Variants in CHN2 observed in about 807,000 individuals in gnomAD.
CHN2 encodes the protein chimerin 2.
CHN2 carries 35 observed loss-of-function variants against 56.3 expected under a neutral mutation model. That is an observed-to-expected ratio of 0.62 (90% CI 0.47 to 0.82). CHN2 has a LOEUF of 0.82. Ranked by LOEUF, CHN2 falls within the 40% of genes least tolerant of loss-of-function variation. The pLI is 0.00. For missense variants in CHN2, 491 were observed against 580.5 expected (o/e 0.85, Z 1.58); for synonymous variants, 210 against 212.8 (o/e 0.99, Z 0.12).
chr7:29,474,196 T>C (rs1377124467), intron 6 of CHN2, among the ~76,000 whole-genome samples: 2 of 152,220 alleles, frequency 1.3e-5, no homozygotes, highest in Admixed American at 1.3e-4. Flanking sequence ...GAGGCAAATC[T>C]TCTCATCATT....
intron 6 of CHN2, among the ~76,000 whole-genome samples, chr7:29,412,363 C>A (rs1803321660): frequency 8.7e-6 from 1 of 115,112 alleles, no homozygotes; most frequent in African/African-American, 3.5e-5. Context: ...GACGGAGTCT[C>A]CCTCTGTTTC....
chr7:29,280,173 C>T (rs1363190747), intron 1 of CHN2, among the ~76,000 whole-genome samples: 2 of 152,128 alleles, frequency 1.3e-5, no homozygotes, highest in African/African-American at 2.4e-5. Flanking sequence ...CACCTGAGGT[C>T]ATGAGTTTGA....
rs558854112 is a variant in CHN2, at chr7:29,303,782, G to A, written c.50-50843G>A. ...CTTTCTGAAGTCATGAAAGCAGGCC[G>A]GGCATGGTGGCTCACGCTTGTAATC... On this transcript the variant is annotated intron_variant, in intron 1 of 12. Coordinates refer to ENST00000222792, the MANE Select transcript of CHN2 (RefSeq NM_004067.4). 4.5e-4 allele frequency among the ~76,000 whole-genome samples: 68 copies of A among 152,284 alleles called. 1 individual carries two copies. In the South Asian group the frequency reaches 0.013, roughly 29 times the overall value.
chr7:29,340,920 A>C (rs1414835498), intron 1 of CHN2, among the ~76,000 whole-genome samples: 2 of 152,184 alleles, frequency 1.3e-5, no homozygotes, highest in Admixed American at 1.3e-4. Context: ...AAACAGCTTC[A>C]ATCACAGGGT....
At chr7:29,323,271 A>T (rs537843655) in intron 1 of CHN2, among the ~76,000 whole-genome samples, 37 of 151,880 alleles carry the variant, frequency 2.4e-4, no homozygotes, top group Non-Finnish European at 4.3e-4. Flanking sequence ...ATGTTTGAAG[A>T]TGGATACCCT....
chr7:29,336,361 C>T (rs1440479399), intron 1 of CHN2, among the ~76,000 whole-genome samples: 1 of 152,158 alleles, frequency 6.6e-6, no homozygotes, highest in African/African-American at 2.4e-5. Context: ...CCTGTAATCC[C>T]AGCACTTCGG....
intron 6 of CHN2, among the ~76,000 whole-genome samples, chr7:29,471,898 C>T (rs1016341075): frequency 7.2e-5 from 11 of 152,084 alleles, no homozygotes; most frequent in Non-Finnish European, 1.3e-4. Context: ...ATTTCTTTGG[C>T]GCCATGGCAA....
chr7:29,212,924 A>G, intron 1 of CHN2: 2 of 1,610,680 alleles, frequency 1.2e-6, no homozygotes, highest in Non-Finnish European at 1.7e-6. Flanking sequence ...TGGAGCAACC[A>G]GACCCAGAAC....
intron 1 of CHN2, among the ~76,000 whole-genome samples, chr7:29,286,906 A>T (rs1033911152): frequency 1.3e-5 from 2 of 152,186 alleles, no homozygotes; most frequent in African/African-American, 4.8e-5. Context: ...CTACCTGAAG[A>T]CCAAGAGCTT....
chr7:29,360,910 T>C (rs1206760841), intron 2 of CHN2, among the ~76,000 whole-genome samples: 1 of 152,232 alleles, frequency 6.6e-6, no homozygotes, highest in Non-Finnish European at 1.5e-5. Flanking sequence ...TAAAACAGTC[T>C]GTCAGTGAGC....
upstream of CHN2, among the ~76,000 whole-genome samples, chr7:29,189,853 G>GA (rs1782667417): frequency 6.6e-6 from 1 of 152,294 alleles, no homozygotes; most frequent in East Asian, 1.9e-4. Context: ...CAGTGAGAAA[G>GA]ACGATGCAGG....
chr7:29,235,375 CAAAA>C (rs775420416), intron 1 of CHN2, among the ~76,000 whole-genome samples: 3 of 151,970 alleles, frequency 2.0e-5, no homozygotes, highest in Non-Finnish European at 4.4e-5. Context: ...ATTAAAAAGT[CAAAA>C]AAACGAGATG....
At chr7:29,265,094 C>G (rs1250107430) in intron 1 of CHN2, among the ~76,000 whole-genome samples, 1 of 152,162 alleles carries the variant, frequency 6.6e-6, no homozygotes, top group Non-Finnish European at 1.5e-5. Flanking sequence ...AGTCTAGAGA[C>G]TTTGAAGGAA....
chr7:29,159,394 T>C (rs1794874595), intron 2 of CHN2, among the ~76,000 whole-genome samples: 1 of 152,240 alleles, frequency 6.6e-6, no homozygotes, highest in African/African-American at 2.4e-5. Flanking sequence ...TGAATTATTC[T>C]ATACCAGAAT....
intron 3 of CHN2, 53 bp from the exon 4 acceptor site, chr7:29,393,626 C>G: frequency 1.3e-6 from 1 of 778,522 alleles, no homozygotes; most frequent in Non-Finnish European, 1.9e-6. Context: ...GCATTTTTAT[C>G]TAGCTGATTT....
At chr7:29,147,067 A>G in intron 2 of CHN2, 2 of 1,452,948 alleles carry the variant, frequency 1.4e-6, no homozygotes, top group Non-Finnish European at 1.8e-6. Context: ...CCATTTTGCA[A>G]TTGGGGGACA....
intron 3 of CHN2, chr7:29,380,930 G>A (rs1025866173): frequency 3.3e-5 from 5 of 152,152 alleles, no homozygotes; most frequent in Admixed American, 1.3e-4. Flanking sequence ...AAGAACAGGC[G>A]ATCTAGTGGC....
chr7:29,376,113 A>T (rs927088730), intron 3 of CHN2, among the ~76,000 whole-genome samples: 1 of 152,200 alleles, frequency 6.6e-6, no homozygotes, highest in Non-Finnish European at 1.5e-5. Context: ...TCTGCTTTCC[A>T]TTGGAAAAAA....
At chr7:29,271,429 C>T (rs548055408) in intron 1 of CHN2, among the ~76,000 whole-genome samples, 163 of 152,274 alleles carry the variant, frequency 1.1e-3, no homozygotes, top group African/African-American at 3.7e-3. Context: ...AATTCAAAAA[C>T]GTTCCCAGTC....
Sources: gnomAD v4.1 joint callset for allele counts (sites outside exome capture counted in the v4.1 genomes callset) on GRCh38, gnomAD v4.1.1 for gene constraint, MANE v1.5 for transcripts, NCBI Gene and HGNC (gene_info 2026-07-23, HGNC 2026-07-21) for gene names.